TIMELESS: variants seen among roughly 807,000 people sequenced by gnomAD.
TIMELESS encodes the protein protein timeless homolog.
A neutral mutation model predicts 164.3 loss-of-function variants in TIMELESS; 124 were observed. The observed-to-expected ratio is 0.75, with a 90% confidence interval of 0.65 to 0.88. The LOEUF (loss-of-function observed/expected upper bound fraction) is 0.88. Among genes scored for constraint, TIMELESS ranks in the 40% least tolerant of loss-of-function variants. The probability of loss-of-function intolerance (pLI) is 0.00; values close to 1 mark genes in which losing one functional copy is unlikely to be tolerated. For missense variants in TIMELESS, 1,422 were observed against 1,491.4 expected (o/e 0.95, Z 0.77); for synonymous variants, 564 against 563.4 (o/e 1.00, Z -0.02).
At chr12:56,439,381 C>T (rs1882179348) in intron 1 of TIMELESS, among the ~76,000 whole-genome samples, 1 of 138,190 alleles carries the variant, frequency 7.2e-6, no homozygotes, top group South Asian at 2.3e-4. Context: ...CAGAATTGTA[C>T]AGGGGTTTTC....
intron 15 of TIMELESS, 77 bp downstream of exon 15, chr12:56,424,685 G>T: frequency 6.6e-7 from 1 of 1,518,324 alleles, no homozygotes; most frequent in Middle Eastern, 2.4e-4. Context: ...CTCTTTTGAA[G>T]ACTGAGAACA....
Position 56,423,668 on chromosome 12 carries a change from T to A in TIMELESS, c.2006A>T (p.Glu669Val). The A allele has an allele frequency of 6.2e-7, 1 of 1,613,924 alleles. No homozygotes were observed. Among genetic ancestry groups the A allele is most frequent in the Non-Finnish European group, 8.5e-7 (1 of 1,179,934 alleles). ...CTCCTCTTCCTCCTCCTCCTCCTCT[T>A]CTTCTTCCTCTGCCCCACGTTCCTC... ...GPEERGAEEE[E>V]EEEEEEEEEL... is the part of the protein sequence containing the mutation. Residue 669 changes from glutamate (E) to valine (V), a missense_variant, in exon 17 of 29, where the codon GAA becomes GTA. Glu to Val is a moderately radical substitution (Grantham distance 121). Coordinates refer to ENST00000553532, the MANE Select transcript of TIMELESS (RefSeq NM_003920.5).
At chr12:56,422,712 G>T in intron 19 of TIMELESS, 135 bp downstream of exon 19, 1 of 984,704 alleles carries the variant, frequency 1.0e-6, no homozygotes, top group Non-Finnish European at 1.5e-6. Context: ...CACCTCCTGA[G>T]CCTGTTCTCT....
Position 56,417,657 on chromosome 12 carries a change from C to A in TIMELESS, c.*59G>T. On this transcript the variant is annotated 3_prime_UTR_variant, in exon 29 of 29. Coordinates refer to ENST00000553532, the MANE Select transcript of TIMELESS (RefSeq NM_003920.5). ...TGGGTCCTGTATGACCCTTCCAACT[C>A]TGACTTGAATGCACCATCTAAAAAC... is the stretch of plus-strand genomic sequence containing the variant. 6.4e-7 allele frequency: 1 copy of A among 1,571,688 alleles called. No homozygotes were observed. The highest frequency in any genetic ancestry group is 8.8e-7 in the Non-Finnish European group (1 of 1,141,930).
chr12:56,425,136 CTCT>C lies in TIMELESS; in HGVS notation c.1592_1594del (p.Lys531del), dbSNP rs1411820263. 6.8e-6 allele frequency: 11 copies of C among 1,613,598 alleles called. No homozygotes were observed. The highest frequency in any genetic ancestry group is 6.8e-6 in the Non-Finnish European group (8 of 1,179,922). On this transcript the variant is annotated inframe_deletion, in exon 14 of 29. Transcript: ENST00000553532. Reference sequence around the variant, plus strand: ...TAGGACCTTCTTCTTCTTCTTCCTTCTCTTCTTTTGTTTGTTCTGTGGGGAAAG... The same window carrying C: ...TAGGACCTTCTTCTTCTTCTTCCTTCTCTTTTGTTTGTTCTGTGGGGAAAG...
chr12:56,443,801 C>T (rs1023088526), intron 1 of TIMELESS, among the ~76,000 whole-genome samples: 3 of 152,154 alleles, frequency 2.0e-5, no homozygotes, highest in African/African-American at 4.8e-5. Flanking sequence ...AGAAAAGAAC[C>T]TACATTGAAA....
chr12:56,430,799 C>G, intron 9 of TIMELESS, 82 bp downstream of exon 9: 3 of 949,312 alleles, frequency 3.2e-6, no homozygotes, highest in South Asian at 3.6e-5. Context: ...CCACCAGGCA[C>G]AGCCAAGAAC....
intron 2 of TIMELESS, 24 bp downstream of exon 2, chr12:56,434,050 C>T (rs1457083826): frequency 6.2e-7 from 1 of 1,612,982 alleles, no homozygotes; most frequent in Non-Finnish European, 8.5e-7. Flanking sequence ...AATTTTTTTC[C>T]TGTTTCATCA....
intron 1 of TIMELESS, among the ~76,000 whole-genome samples, chr12:56,445,491 C>A (rs2136156812): frequency 7.2e-6 from 1 of 138,578 alleles, no homozygotes; most frequent in African/African-American, 2.7e-5. Context: ...GTAATCCCAG[C>A]ACTTTGGGAG....
intron 1 of TIMELESS, among the ~76,000 whole-genome samples, chr12:56,438,078 G>A (rs978962045): frequency 6.6e-6 from 1 of 151,340 alleles, no homozygotes; most frequent in South Asian, 2.1e-4. Context: ...GTTTCGCTCT[G>A]TCACCCAGCC....
At chr12:56,438,777 CAAAAAAAAAAA>C (rs34222190) in intron 1 of TIMELESS, among the ~76,000 whole-genome samples, 5 of 48,448 alleles carry the variant, frequency 1.0e-4, no homozygotes, top group East Asian at 2.0e-3. Flanking sequence ...AGCTCTGTCT[CAAAAAAAAAAA>C]AAAAAAAAAA....
intron 10 of TIMELESS, among the ~76,000 whole-genome samples, chr12:56,429,497 C>CTTTTTT (rs35987061): frequency 4.0e-5 from 2 of 50,084 alleles, no homozygotes; most frequent in Admixed American, 2.9e-4. Flanking sequence ...TGCGCCTGGT[C>CTTTTTT]TTTTTTTTTT....
chr12:56,447,757 A>C (rs982804833), intron 1 of TIMELESS, among the ~76,000 whole-genome samples: 1 of 152,070 alleles, frequency 6.6e-6, no homozygotes, highest in African/African-American at 2.4e-5. Context: ...GGGGTAAAAA[A>C]CTTCAGGGAC....
intron 1 of TIMELESS, among the ~76,000 whole-genome samples, chr12:56,437,887 C>T (rs1204512078): frequency 1.3e-5 from 2 of 152,250 alleles, no homozygotes; most frequent in African/African-American, 4.8e-5. Context: ...CACTAAGCAA[C>T]ACACCCATCA....
At chr12:56,429,196 C>T (rs980265465) in intron 10 of TIMELESS, 96 bp from the exon 11 acceptor site, 43 of 1,197,354 alleles carry the variant, frequency 3.6e-5, no homozygotes, top group Middle Eastern at 2.7e-4. Context: ...TGCTGGACAC[C>T]GTCATAATTT....
intron 1 of TIMELESS, among the ~76,000 whole-genome samples, chr12:56,447,182 GTTTTTT>G (rs144004569): frequency 0.13 from 11,427 of 89,354 alleles, 1,203 homozygotes; most frequent in African/African-American, 0.34. Flanking sequence ...GCTAATTTTT[GTTTTTT>G]TTTTTTTTTT....
At chr12:56,438,044 ATT>A in intron 1 of TIMELESS, among the ~76,000 whole-genome samples, 1 of 144,836 alleles carries the variant, frequency 6.9e-6, no homozygotes. Flanking sequence ...CTTGATAAAC[ATT>A]TTTTTTTTTT....
intron 1 of TIMELESS, among the ~76,000 whole-genome samples, chr12:56,438,154 T>C (rs990998540): frequency 3.9e-5 from 6 of 152,142 alleles, no homozygotes; most frequent in Non-Finnish European, 7.3e-5. Context: ...CAAGCGATTC[T>C]CCTGCCTCAG....
At chr12:56,426,503 C>A (rs1881682960) in intron 13 of TIMELESS, among the ~76,000 whole-genome samples, 1 of 151,640 alleles carries the variant, frequency 6.6e-6, no homozygotes, top group Non-Finnish European at 1.5e-5. Flanking sequence ...TCTCCTGCCT[C>A]AGCCTCCCAA....
Sources: gnomAD v4.1 joint callset for allele counts (sites outside exome capture counted in the v4.1 genomes callset) on GRCh38, gnomAD v4.1.1 for gene constraint, MANE v1.5 for transcripts, NCBI Gene and HGNC (gene_info 2026-07-23, HGNC 2026-07-21) for gene names.